USP45: variants seen among roughly 807,000 people sequenced by gnomAD.
USP45 encodes the protein ubiquitin specific peptidase 45, also known as ubiquitin carboxyl-terminal hydrolase 45.
In USP45, 89 loss-of-function variants were observed where a neutral mutation model predicts 95.8. The ratio of observed to expected loss-of-function variants is 0.93; its 90% CI spans 0.78 to 1.11. The LOEUF is 1.11. Ranked by LOEUF, USP45 falls within the 50% of genes least tolerant of loss-of-function variation. The pLI is 0.00. For missense variants in USP45, 898 were observed against 942.5 expected, an observed-to-expected ratio of 0.95 and a Z score of 0.62; for synonymous variants, 281 against 316.2, an observed-to-expected ratio of 0.89 and a Z score of 1.18.
Position 99,439,847 on chromosome 6 carries a change from C to G in USP45, c.2082G>C (p.Leu694Phe). 1.9e-6 allele frequency: 3 copies of G among 1,605,598 alleles called. No individual in the cohort carries two copies. In the South Asian group the frequency reaches 3.4e-5, roughly 18 times the overall value. The part of the protein sequence containing the change: ...LHLKRFHQAG[L>F]SLRKVNRHVD... ...CATGTCTGTTTACTTTACGAAGACTCAAGCCAGCCTTAAAAAGACCAAAAC... is the reference window on the plus strand; with the variant it reads ...CATGTCTGTTTACTTTACGAAGACTGAAGCCAGCCTTAAAAAGACCAAAAC... The change falls in exon 16 of 18, where the codon TTG becomes TTC. Residue 694 changes from leucine (L) to phenylalanine (F), a missense_variant. Physicochemically the swap from Leu to Phe is conservative, Grantham distance 22 (BLOSUM62 0). Coordinates refer to ENST00000500704, the MANE Select transcript of USP45 (RefSeq NM_001346022.3).
At chr6:99,461,525 G>C in intron 13 of USP45, 1 of 985,322 alleles carries the variant, frequency 1.0e-6, no homozygotes, top group Non-Finnish European at 1.2e-6. Flanking sequence ...TTATTTGCCT[G>C]TTATCAGTAA....
rs559319499 is a variant in USP45, at chr6:99,453,199, C to T, written c.1309-6736G>A. On this transcript the variant is annotated intron_variant, in intron 13 of 17. Coordinates refer to ENST00000500704, the MANE Select transcript of USP45 (RefSeq NM_001346022.3). The stretch of plus-strand genomic sequence containing the variant: ...AAAAAAAAAAAAACATAAAAGGCAT[C>T]CAAATTGGAAAAGAAGTCAAATTGT... Among the ~76,000 whole-genome samples the T allele has an allele frequency of 4.7e-5, 7 of 147,468 alleles. No individual in the cohort carries two copies. The South Asian group carries it at 1.5e-3, about 32-fold the overall frequency.
chr6:99,466,469 A>T (rs1788002847), intron 11 of USP45, among the ~76,000 whole-genome samples: 1 of 152,238 alleles, frequency 6.6e-6, no homozygotes, highest in Non-Finnish European at 1.5e-5. Flanking sequence ...AAATAACACA[A>T]AAATACATTT....
chr6:99,494,921 G>A (rs1219229216), intron 5 of USP45, among the ~76,000 whole-genome samples: 3 of 151,858 alleles, frequency 2.0e-5, no homozygotes, highest in Non-Finnish European at 4.4e-5. Context: ...TGAGTTCAAG[G>A]ATATTAAATC....
At chr6:99,463,800 C>CA (rs398002416) in intron 13 of USP45, among the ~76,000 whole-genome samples, 1,008 of 84,354 alleles carry the variant, frequency 0.012, 50 homozygotes, top group African/African-American at 0.021. Flanking sequence ...GACTCCATCT[C>CA]AAAAAAAAAA....
In USP45 at chr6:99,488,364, C is replaced by G. The variant is rs895823795; in HGVS notation, c.619-69G>C. 2.0e-5 allele frequency: 20 copies of G among 1,013,054 alleles called. No homozygotes were observed. In the African/African-American group the frequency reaches 2.8e-4, roughly 14 times the overall value. The allele number at this position is 1,013,054 out of a possible 1,614,324, so 62.8% of individuals were successfully genotyped here. ...TGCCTCTGATTTTATGGAATACACT[C>G]TCAAATTTCATCTAGCATAGCAAAA... On this transcript the variant is annotated intron_variant, in intron 6 of 17. Coordinates refer to ENST00000500704, the MANE Select transcript of USP45 (RefSeq NM_001346022.3).
intron 7 of USP45, among the ~76,000 whole-genome samples, chr6:99,485,017 G>T (rs531991075): frequency 6.6e-6 from 1 of 151,954 alleles, no homozygotes; most frequent in South Asian, 2.1e-4. Flanking sequence ...ATGAGATGAG[G>T]AAATAACCTT....
intron 8 of USP45, among the ~76,000 whole-genome samples, chr6:99,479,566 G>C (rs1390910274): frequency 9.7e-6 from 1 of 103,622 alleles, no homozygotes; most frequent in Non-Finnish European, 1.8e-5. Context: ...AAGCTAGCCA[G>C]AATATCCACC....
intron 14 of USP45, among the ~76,000 whole-genome samples, chr6:99,444,080 T>C (rs547826405): frequency 1.8e-4 from 27 of 152,214 alleles, no homozygotes; most frequent in African/African-American, 5.8e-4. Context: ...GAGGTGGTCA[T>C]GGCTCACTGT....
intron 3 of USP45, among the ~76,000 whole-genome samples, chr6:99,507,785 C>T (rs1798858166): frequency 6.6e-6 from 1 of 152,188 alleles, no homozygotes; most frequent in Non-Finnish European, 1.5e-5. Flanking sequence ...AAAATGTGCA[C>T]ACTGTGGAAC....
chr6:99,504,641 T>C (rs938317982), intron 4 of USP45, among the ~76,000 whole-genome samples: 2 of 151,992 alleles, frequency 1.3e-5, no homozygotes, highest in African/African-American at 2.4e-5. Context: ...TCAAAATAAC[T>C]GCCATGGGTA....
At chr6:99,473,777 A>AACACACACACAC (rs60031754) in intron 9 of USP45, among the ~76,000 whole-genome samples, 1,871 of 127,724 alleles carry the variant, frequency 0.015, 39 homozygotes, top group African/African-American at 0.036. Context: ...AAAAAAACAA[A>AACACACACACAC]ACACACACAC....
At position 99,446,157 on chromosome 6, in the gene USP45, C is replaced by CT. The variant is rs1562308602; in HGVS notation, c.1614dup (p.Ala539SerfsTer3). The CT allele has an allele frequency of 3.1e-6, 5 of 1,614,178 alleles. No individual in the cohort carries two copies. In the South Asian group the frequency reaches 5.5e-5, roughly 18 times the overall value. On this transcript the variant is annotated frameshift_variant, in exon 14 of 18. Coordinates refer to ENST00000500704, the MANE Select transcript of USP45 (RefSeq NM_001346022.3). LOFTEE classifies it high-confidence loss of function. The stretch of plus-strand genomic sequence containing the variant: ...TCCTTGGTGTACAGCAGTTTACCTG[C>CT]TGACAGAGGGTAAAGGGGTCCATCT...
rs1232818426 is a variant in USP45, at chr6:99,484,025, TAA to T, written c.715-1144_715-1143del. ...CATAGTTTTTTTTTTTTTTTTTTTT[TAA>T]AGAGACAGGGTTGCCCAGGCTGGTC... On this transcript the variant is annotated intron_variant, in intron 7 of 17. Transcript: ENST00000500704. Among the ~76,000 whole-genome samples, 337 of 145,622 alleles carry T rather than the reference TAA, an allele frequency of 2.3e-3. 4 individuals carry two copies. Among genetic ancestry groups the T allele is most frequent in the Non-Finnish European group, 4.5e-3 (298 of 66,158 alleles).
intron 15 of USP45, among the ~76,000 whole-genome samples, chr6:99,443,172 G>A (rs890360463): frequency 2.0e-5 from 3 of 152,166 alleles, no homozygotes; most frequent in African/African-American, 7.2e-5. Flanking sequence ...AGCTGAGATT[G>A]TGCCACTGCA....
At position 99,434,719 on chromosome 6, in the gene USP45, A is replaced by G. The variant is rs1165802745; in HGVS notation, c.*997T>C. ...TGTGTTTAGTATTTACAAGAAGTAG[A>G]AAAAGTATATATTTTTCTGTTAAGA... On this transcript the variant is annotated 3_prime_UTR_variant, in exon 18 of 18. Coordinates refer to ENST00000500704, the MANE Select transcript of USP45 (RefSeq NM_001346022.3). The G allele has an allele frequency of 2.0e-5, 3 of 152,220 alleles. No homozygotes were observed. Among genetic ancestry groups the G allele is most frequent in the Non-Finnish European group, 4.4e-5 (3 of 68,032 alleles). The allele number at this position is 152,220 out of a possible 1,614,324, so 9.4% of individuals were successfully genotyped here. A position where few individuals can be genotyped will look rare whatever the true frequency, so the allele number is the denominator to read the frequency against.
chr6:99,443,566 T>G lies in USP45; in HGVS notation c.2072A>C (p.Gln691Pro), dbSNP rs1402794395. The G allele has an allele frequency of 6.2e-7, 1 of 1,603,512 alleles. No homozygotes were observed. Among genetic ancestry groups the G allele is most frequent in the East Asian group, 2.2e-5 (1 of 44,676 alleles). The change falls in exon 15 of 18, where the codon CAG (glutamine) becomes CCG (proline). Residue 691 changes from glutamine to proline, a missense_variant and splice_region_variant. Physicochemically the swap from Gln to Pro is moderately conservative, Grantham distance 76. Transcript: ENST00000500704. ...VLILHLKRFH[Q>P]AGLSLRKVNR... is the part of the protein sequence containing the mutation. ...TATGGTGCTACTGAAGAAACTTACC[T>G]GATGAAATCTTTTCAGGTGGAGAAT...
chr6:99,467,506 A>G (rs1218851806), intron 10 of USP45, among the ~76,000 whole-genome samples: 21 of 152,132 alleles, frequency 1.4e-4, no homozygotes, highest in African/African-American at 4.6e-4. Flanking sequence ...CATACAAACA[A>G]TATTCAAAAT....
In USP45 at chr6:99,482,636, TTCATAG is replaced by T. The variant is rs1583280409; in HGVS notation, c.845+111_845+116del. 3.9e-6 allele frequency: 4 copies of T among 1,035,290 alleles called. No homozygotes were observed. In the East Asian group the frequency reaches 1.1e-4, roughly 28 times the overall value. 64.1% of individuals were successfully genotyped at this position (1,035,290 alleles called of 1,614,324 possible). ...AGAGCTGTAACAAATTTTAGTTCTC[TTCATAG>T]TCAGGGCAATAAGAGCAAAGTTACA... On this transcript the variant is annotated intron_variant, in intron 8 of 17. Transcript: ENST00000500704.
Sources: allele counts gnomAD v4.1 joint callset (sites outside exome capture counted in the v4.1 genomes callset), GRCh38; gene constraint gnomAD v4.1.1; transcripts MANE v1.5; gene names NCBI Gene and HGNC (gene_info 2026-07-23, HGNC 2026-07-21).